The following RANBP17 variants were observed in gnomAD, a reference collection of about 807,000 sequenced individuals.
RANBP17 encodes RAN binding protein 17, also known as ran-binding protein 17.
A neutral mutation model predicts 141.2 loss-of-function variants in RANBP17; 158 were observed. The observed-to-expected ratio is 1.12, with a 90% confidence interval of 0.98 to 1.28. The LOEUF is 1.28. Among genes scored for constraint, RANBP17 ranks in the 50% most tolerant of loss-of-function variants. RANBP17 has a pLI of 0.00. For missense variants in RANBP17, 1,438 were observed against 1,290.7 expected, an observed-to-expected ratio of 1.11 and a Z score of -1.75; for synonymous variants, 430 against 450.0, an observed-to-expected ratio of 0.96 and a Z score of 0.56.
intron 14 of RANBP17, among the ~76,000 whole-genome samples, chr5:171,016,008 T>G (rs1196293198): frequency 6.6e-6 from 1 of 152,212 alleles, no homozygotes. Flanking sequence ...GACTTCTCAT[T>G]GGAGTTCTCT....
chr5:171,023,990 C>T (rs1781064119), intron 14 of RANBP17, among the ~76,000 whole-genome samples: 1 of 152,080 alleles, frequency 6.6e-6, no homozygotes, highest in Admixed American at 6.5e-5. Context: ...TGTATCATAG[C>T]TAGAATAACA....
At chr5:171,079,184 G>T (rs1785115310) in intron 14 of RANBP17, among the ~76,000 whole-genome samples, 1 of 152,214 alleles carries the variant, frequency 6.6e-6, no homozygotes, top group South Asian at 2.1e-4. Context: ...AATAACTGCA[G>T]ATGTGGTTGA....
At chr5:171,157,580 A>G (rs1758998226) in intron 14 of RANBP17, among the ~76,000 whole-genome samples, 1 of 152,212 alleles carries the variant, frequency 6.6e-6, no homozygotes, top group South Asian at 2.1e-4. Context: ...GTGGCAACAT[A>G]TTTGCTGATG....
At chr5:170,896,878 A>G (rs866863151) in intron 5 of RANBP17, 14 of 543,036 alleles carry the variant, frequency 2.6e-5, no homozygotes, top group Middle Eastern at 5.4e-4. Context: ...TGCAGGCCCA[A>G]TGCAGAGGCC....
At chr5:171,126,447 T>A (rs974500172) in intron 14 of RANBP17, among the ~76,000 whole-genome samples, 1 of 152,082 alleles carries the variant, frequency 6.6e-6, no homozygotes, top group Non-Finnish European at 1.5e-5. Context: ...CCCAAATTAG[T>A]TGAAGGACAG....
At chr5:171,296,053 A>G (rs913506816) in intron 27 of RANBP17, 39 bp downstream of exon 27, 1 of 1,596,384 alleles carries the variant, frequency 6.3e-7, no homozygotes, top group Non-Finnish European at 8.6e-7. Context: ...GGGGAAGTAG[A>G]CATTCCAGGT....
chr5:171,271,033 CTCTCCCTTT>C (rs146211203), intron 25 of RANBP17: 27,235 of 141,484 alleles, frequency 0.19, 2,938 homozygotes, highest in Admixed American at 0.23. Flanking sequence ...GATTTTCTTT[CTCTCCCTTT>C]TCTCCCTTTT....
At chr5:170,943,777 G>A (rs919730938) in intron 12 of RANBP17, among the ~76,000 whole-genome samples, 4 of 152,094 alleles carry the variant, frequency 2.6e-5, no homozygotes, top group Admixed American at 2.0e-4. Flanking sequence ...TATATTTAAG[G>A]TGTACGGCAT....
intron 18 of RANBP17, among the ~76,000 whole-genome samples, chr5:171,194,812 T>C (rs1761866819): frequency 6.6e-6 from 1 of 152,228 alleles, no homozygotes; most frequent in East Asian, 1.9e-4. Flanking sequence ...ATATTAACAA[T>C]GGTTGTAGCA....
At chr5:171,037,635 A>G (rs1397226133) in intron 14 of RANBP17, among the ~76,000 whole-genome samples, 2 of 152,098 alleles carry the variant, frequency 1.3e-5, no homozygotes, top group African/African-American at 4.8e-5. Flanking sequence ...ACAGCTACAT[A>G]TAGCTAGCCA....
intron 12 of RANBP17, among the ~76,000 whole-genome samples, chr5:170,949,771 A>G (rs1482225288): frequency 6.6e-6 from 1 of 152,182 alleles, no homozygotes; most frequent in African/African-American, 2.4e-5. Context: ...CTTGTACACA[A>G]ATGTTCATAG....
chr5:170,973,385 AG>A (rs1412491210), intron 14 of RANBP17, among the ~76,000 whole-genome samples: 1 of 152,160 alleles, frequency 6.6e-6, no homozygotes, highest in Non-Finnish European at 1.5e-5. Context: ...ACTATGATTT[AG>A]GGATAGGGAA....
At chr5:170,913,323 T>A (rs1771684833) in intron 7 of RANBP17, among the ~76,000 whole-genome samples, 1 of 151,882 alleles carries the variant, frequency 6.6e-6, no homozygotes, top group South Asian at 2.1e-4. Flanking sequence ...CAGTTCAAGT[T>A]GAAGGCTCTG....
chr5:171,063,355 T>A (rs962218926), intron 14 of RANBP17, among the ~76,000 whole-genome samples: 9 of 152,240 alleles, frequency 5.9e-5, no homozygotes, highest in Non-Finnish European at 1.3e-4. Flanking sequence ...ATGTCCTTTC[T>A]GTTTGTTAGC....
intron 12 of RANBP17, among the ~76,000 whole-genome samples, chr5:170,949,396 A>G (rs1009987976): frequency 1.3e-5 from 2 of 152,134 alleles, no homozygotes; most frequent in African/African-American, 4.8e-5. Flanking sequence ...GAAAAAGACA[A>G]CCCTTAAAAA....
At chr5:171,186,934 A>C (rs1254119413) in intron 18 of RANBP17, among the ~76,000 whole-genome samples, 1 of 152,006 alleles carries the variant, frequency 6.6e-6, no homozygotes, top group Non-Finnish European at 1.5e-5. Flanking sequence ...TTTCCTTTGC[A>C]TTCATCACCT....
chr5:171,026,933 C>T (rs1781270314), intron 14 of RANBP17, among the ~76,000 whole-genome samples: 1 of 152,142 alleles, frequency 6.6e-6, no homozygotes, highest in East Asian at 1.9e-4. Context: ...ACATTACTGC[C>T]TGAGCTCCAC....
intron 21 of RANBP17, among the ~76,000 whole-genome samples, chr5:171,218,780 G>A (rs1411552034): frequency 1.4e-5 from 2 of 145,110 alleles, no homozygotes; most frequent in East Asian, 4.0e-4. Flanking sequence ...CCTTTATTTC[G>A]AGCCTGTCTG....
At chr5:170,915,625 A>G (rs1440062216) in intron 8 of RANBP17, among the ~76,000 whole-genome samples, 1 of 152,006 alleles carries the variant, frequency 6.6e-6, no homozygotes, top group Non-Finnish European at 1.5e-5. Flanking sequence ...CTCTTTTCTC[A>G]CCGTAAAGTA....
Sources: gnomAD v4.1 joint callset for allele counts (sites outside exome capture counted in the v4.1 genomes callset) on GRCh38, gnomAD v4.1.1 for gene constraint, MANE v1.5 for transcripts, NCBI Gene and HGNC (gene_info 2026-07-23, HGNC 2026-07-21) for gene names.